Variants in NPR1 observed in about 807,000 individuals in gnomAD.
The protein encoded by NPR1 is natriuretic peptide receptor 1.
A neutral mutation model predicts 116.9 loss-of-function variants in NPR1; 57 were observed. The observed-to-expected ratio is 0.49, with a 90% CI of 0.39 to 0.61. The LOEUF (loss-of-function observed/expected upper bound fraction) is 0.61, where lower values mean the gene tolerates loss of function less well. Among genes scored for constraint, NPR1 ranks in the 20% least tolerant of loss-of-function variants. The pLI, the probability that NPR1 is intolerant of heterozygous loss-of-function variation, is 0.00. For synonymous variants in NPR1, 555 were observed against 601.6 expected (o/e 0.92, Z 1.13); for missense variants, 1,096 against 1,409.8 (o/e 0.78, Z 3.56).
intron 15 of NPR1, among the ~76,000 whole-genome samples, 156 bp downstream of exon 15, chr1:153,688,377 C>T (rs1412689412): frequency 6.6e-6 from 1 of 152,186 alleles, no homozygotes; most frequent in African/African-American, 2.4e-5. Flanking sequence ...CCTCATGACC[C>T]TCTTCGCAAG....
At position 153,687,326 on chromosome 1, in the gene NPR1, G is replaced by A. The variant is rs1047428814; in HGVS notation, c.2062G>A (p.Asp688Asn). 3 of 1,614,058 alleles carry A rather than the reference G, an allele frequency of 1.9e-6. No individual in the cohort carries two copies. Among genetic ancestry groups the A allele is most frequent in the Non-Finnish European group, 2.5e-6 (3 of 1,179,976 alleles). ...TGGGCTGGAGAGCTTCAGGGACCTG[G>A]ACCCAGAGCAAGGACACACCGTTTA... ...DYGLESFRDL[D>N]PEQGHTVYAK... Residue 688 changes from aspartate (D) to asparagine (N), a missense_variant, in exon 13 of 22, where the codon GAC becomes AAC. By Grantham distance (23) the Asp-to-Asn change is conservative. Transcript: ENST00000368680.
chr1:153,689,023 C>T lies in NPR1; in HGVS notation c.2488C>T (p.Leu830=), dbSNP rs776522345. The T allele has an allele frequency of 1.9e-6, 3 of 1,614,226 alleles. No individual in the cohort carries two copies. The highest frequency in any genetic ancestry group is 2.5e-6 in the Non-Finnish European group (3 of 1,180,046). Residue 830 remains leucine (L), a synonymous_variant, in exon 16 of 22, where the codon CTG becomes TTG. Transcript: ENST00000368680. This position sits in a 1 kb window ranked among gnomAD's most constrained non-coding sequence, Gnocchi z 5.1. ...GCAGTACGCGAACAATCTGGAGGAACTGGTGGAGGAGCGGACCCAGGCATA... is the reference window on the plus strand; with the variant it reads ...GCAGTACGCGAACAATCTGGAGGAATTGGTGGAGGAGCGGACCCAGGCATA... ...MEQYANNLEE[L]VEERTQAYLE... is the part of the protein sequence containing the mutation.
At position 153,680,563 on chromosome 1, in the gene NPR1, G is replaced by A; in HGVS notation, c.784G>A (p.Gly262Ser). ...RTLMLLALEA[G>S]LCGEDYVFFH... The stretch of plus-strand genomic sequence containing the variant: ...CCTCATGCTCCTGGCCCTGGAAGCT[G>A]GCTTGTGTGGGGAGGACTACGTTTT... Residue 262 changes from glycine (G) to serine (S), a missense_variant, in exon 2 of 22, where the codon GGC becomes AGC. By Grantham distance (56) the Gly-to-Ser change is moderately conservative (BLOSUM62 0). Transcript: ENST00000368680. 1 of 1,614,210 alleles carries A rather than the reference G, an allele frequency of 6.2e-7. No individual in the cohort carries two copies. Among genetic ancestry groups the A allele is most frequent in the African/African-American group, 1.3e-5 (1 of 75,056 alleles).
chr1:153,680,385 C>A (rs1473640211), intron 1 of NPR1, 116 bp from the exon 2 acceptor site: 3 of 762,160 alleles, frequency 3.9e-6, no homozygotes, highest in Non-Finnish European at 6.3e-6. Flanking sequence ...TTAACTCTCA[C>A]TGGGTCTCTC....
chr1:153,685,163 G>A, intron 8 of NPR1, 79 bp downstream of exon 8: 1 of 1,552,054 alleles, frequency 6.4e-7, no homozygotes, highest in Non-Finnish European at 8.7e-7. Context: ...GATAGGTAAG[G>A]GAGCAGGATT....
chr1:153,679,778 G>C lies in NPR1; in HGVS notation c.670G>C (p.Asp224His). 1 of 1,561,158 alleles carries C rather than the reference G, an allele frequency of 6.4e-7. No homozygotes were observed. Among genetic ancestry groups the C allele is most frequent in the Non-Finnish European group, 8.6e-7 (1 of 1,157,760 alleles). The change falls in exon 1 of 22, where the codon GAC becomes CAC. Residue 224 changes from aspartate (D) to histidine (H), a missense_variant. Coordinates refer to ENST00000368680, the MANE Select transcript of NPR1 (RefSeq NM_000906.4). The surrounding 1 kb of genome is among the most constrained non-coding windows in gnomAD (Gnocchi z 4.2). ...TVDHLEFAEDDLSHYTRLLRT... is the reference protein window; with the variant it reads ...TVDHLEFAEDHLSHYTRLLRT... Reference sequence around the variant, plus strand: ...GGACCACCTGGAGTTCGCCGAGGACGACCTCAGCCACTACACCAGGCTGCT... The same window carrying C: ...GGACCACCTGGAGTTCGCCGAGGACCACCTCAGCCACTACACCAGGCTGCT...
chr1:153,692,624 T>G (rs1263374842), intron 20 of NPR1, among the ~76,000 whole-genome samples: 1 of 151,936 alleles, frequency 6.6e-6, no homozygotes, highest in Admixed American at 6.6e-5. Context: ...GCGATTCTCC[T>G]GCCTCAGCCT....
chr1:153,684,865 T>G, intron 7 of NPR1, 99 bp from the exon 8 acceptor site: 2 of 1,467,696 alleles, frequency 1.4e-6, no homozygotes, highest in Non-Finnish European at 9.4e-7. Flanking sequence ...CATCTCTGAG[T>G]GCATGGTGTG....
chr1:153,691,692 T>C (rs1287746966), intron 20 of NPR1, among the ~76,000 whole-genome samples: 1 of 151,414 alleles, frequency 6.6e-6, no homozygotes. Context: ...AGGCCAGGAG[T>C]TGGAGACTAG....
chr1:153,692,370 A>ACACTC (rs1340952560), intron 20 of NPR1, among the ~76,000 whole-genome samples: 1 of 144,516 alleles, frequency 6.9e-6, no homozygotes, highest in African/African-American at 2.6e-5. Context: ...GAGCCGGGTG[A>ACACTC]CACTCCAGAG....
At chr1:153,683,705 A>G in intron 6 of NPR1, 35 bp from the exon 7 acceptor site, 2 of 1,607,476 alleles carry the variant, frequency 1.2e-6, no homozygotes, top group Non-Finnish European at 1.7e-6. Flanking sequence ...TCTAACCCAA[A>G]TCTCTCTTGC....
intron 13 of NPR1, 137 bp from the exon 14 acceptor site, chr1:153,687,497 C>A: frequency 9.5e-6 from 14 of 1,472,022 alleles, no homozygotes; most frequent in East Asian, 4.6e-5. Flanking sequence ...GAAGGCCAGA[C>A]GAAGTGGTTT....
intron 5 of NPR1, 30 bp from the exon 6 acceptor site, chr1:153,683,346 G>A (rs1333692953): frequency 6.2e-7 from 1 of 1,608,594 alleles, no homozygotes; most frequent in Non-Finnish European, 8.5e-7. Flanking sequence ...CGCAGGCCCT[G>A]GCCTAGCCAC....
At chr1:153,691,666 G>A (rs1401703328) in intron 20 of NPR1, among the ~76,000 whole-genome samples, 1 of 152,120 alleles carries the variant, frequency 6.6e-6, no homozygotes, top group East Asian at 1.9e-4. Context: ...GGAGGCCGAG[G>A]TGGGCAGATC....
chr1:153,688,111 G>C lies in NPR1; in HGVS notation c.2307G>C (p.Leu769=). Residue 769 remains leucine, a synonymous_variant, in exon 15 of 22, where the codon CTG becomes CTC. Transcript: ENST00000368680. ...EQPPFRPSLA[L]QSHLEELGLL... The stretch of plus-strand genomic sequence containing the variant: ...CCCCCTTCCGGCCCTCCCTGGCCCT[G>C]CAGAGTCACCTGGAGGAGTTGGGGC... 1 of 1,613,434 alleles carries C rather than the reference G, an allele frequency of 6.2e-7. No homozygotes were observed. Among genetic ancestry groups the C allele is most frequent in the Non-Finnish European group, 8.5e-7 (1 of 1,179,562 alleles).
chr1:153,692,702 G>A (rs1300862254), intron 20 of NPR1, among the ~76,000 whole-genome samples: 6 of 152,004 alleles, frequency 3.9e-5, no homozygotes, highest in Non-Finnish European at 5.9e-5. Flanking sequence ...TAGTAGAGAC[G>A]GGGTTTCGCC....
chr1:153,693,929 G>T lies in NPR1; in HGVS notation c.*515G>T, dbSNP rs966567031. The T allele has an allele frequency of 7.5e-6, 3 of 397,466 alleles. No individual in the cohort carries two copies. The highest frequency in any genetic ancestry group is 4.4e-5 in the Admixed American group (1 of 22,702). The allele number at this position is 397,466 out of a possible 1,614,324, so 24.6% of individuals were successfully genotyped here. ...GGGAGAAGAGGGGTGGCGCAGAAGG[G>T]TTGGGGGCCTGTATGCCTTGCTTCT... On this transcript the variant is annotated 3_prime_UTR_variant, in exon 22 of 22. Coordinates refer to ENST00000368680, the MANE Select transcript of NPR1 (RefSeq NM_000906.4).
intron 4 of NPR1, 57 bp from the exon 5 acceptor site, chr1:153,682,441 G>A (rs1669807403): frequency 2.4e-6 from 3 of 1,259,878 alleles, no homozygotes; most frequent in Non-Finnish European, 3.5e-6. Context: ...GAGATGAAGT[G>A]GGGCACCCCT....
chr1:153,685,956 C>T lies in NPR1; in HGVS notation c.1680+76C>T, dbSNP rs1387185823. 3 of 1,481,754 alleles carry T rather than the reference C, an allele frequency of 2.0e-6. No homozygotes were observed. In the East Asian group the frequency reaches 6.8e-5, roughly 34 times the overall value. 91.8% of individuals were successfully genotyped at this position (1,481,754 alleles called of 1,614,324 possible). A position where few individuals can be genotyped will look rare whatever the true frequency, so the allele number is the denominator to read the frequency against. On this transcript the variant is annotated intron_variant, in intron 9 of 21. Transcript: ENST00000368680. Reference sequence around the variant, plus strand: ...TCTGATGGAGGACTGGTGGGGGGTTCTGAGGGAAGGAGTAAGCTGGTGGGG... The same window carrying T: ...TCTGATGGAGGACTGGTGGGGGGTTTTGAGGGAAGGAGTAAGCTGGTGGGG...
Sources: gnomAD v4.1 joint callset for allele counts (sites outside exome capture counted in the v4.1 genomes callset) on GRCh38, gnomAD v4.1.1 for gene constraint, Gnocchi (gnomAD v3.1) non-coding constraint, MANE v1.5 for transcripts, NCBI Gene and HGNC (gene_info 2026-07-23, HGNC 2026-07-21) for gene names.